Variants in DIAPH3 observed in about 807,000 individuals in gnomAD.
DIAPH3 encodes diaphanous related formin 3.
In DIAPH3, 117 loss-of-function variants were observed where a neutral mutation model predicts 144.3. The ratio of observed to expected loss-of-function variants is 0.81; its 90% CI spans 0.70 to 0.95. The LOEUF is 0.95. Among genes scored for constraint, DIAPH3 ranks in the 40% least tolerant of loss-of-function variants. The probability of loss-of-function intolerance (pLI) is 0.00; values close to 1 mark genes in which losing one functional copy is unlikely to be tolerated. For synonymous variants in DIAPH3, 519 were observed against 488.9 expected, an observed-to-expected ratio of 1.06 and a Z score of -0.81; for missense variants, 1,421 against 1,412.7, an observed-to-expected ratio of 1.01 and a Z score of -0.09.
At chr13:59,791,272 G>C (rs2039311711) in intron 25 of DIAPH3, among the ~76,000 whole-genome samples, 1 of 151,986 alleles carries the variant, frequency 6.6e-6, no homozygotes. Flanking sequence ...TCCTGGTCAA[G>C]AACAGTTTTA....
chr13:60,080,482 T>A (rs1043320171), intron 4 of DIAPH3, among the ~76,000 whole-genome samples: 4 of 151,972 alleles, frequency 2.6e-5, no homozygotes, highest in African/African-American at 9.6e-5. Flanking sequence ...TATGTTACAT[T>A]TTAAAATAAT....
At chr13:60,159,447 G>A (rs1187590352) in intron 1 of DIAPH3, among the ~76,000 whole-genome samples, 5 of 151,896 alleles carry the variant, frequency 3.3e-5, no homozygotes, top group Non-Finnish European at 7.4e-5. Context: ...CCAACATGGT[G>A]AAGCCTCATC....
At chr13:60,131,758 C>G (rs946993143) in intron 2 of DIAPH3, among the ~76,000 whole-genome samples, 6 of 152,242 alleles carry the variant, frequency 3.9e-5, no homozygotes, top group Non-Finnish European at 7.4e-5. Context: ...AAAGCTGTTA[C>G]AAATATATCA....
At chr13:59,868,621 A>G (rs935965332) in intron 21 of DIAPH3, among the ~76,000 whole-genome samples, 1 of 152,102 alleles carries the variant, frequency 6.6e-6, no homozygotes, top group African/African-American at 2.4e-5. Context: ...CTGCAGTTCT[A>G]TGTGTCTTGA....
chr13:59,717,006 C>T (rs1566215670), intron 27 of DIAPH3, among the ~76,000 whole-genome samples: 1 of 151,690 alleles, frequency 6.6e-6, no homozygotes, highest in African/African-American at 2.4e-5. Context: ...ATTTCATGTA[C>T]TGTGTTAACT....
chr13:59,680,915 C>T (rs1023910150), intron 27 of DIAPH3, among the ~76,000 whole-genome samples: 6 of 152,030 alleles, frequency 3.9e-5, no homozygotes, highest in Non-Finnish European at 8.8e-5. Flanking sequence ...ACGAAAAGAC[C>T]GCTGTCTGGA....
intron 22 of DIAPH3, among the ~76,000 whole-genome samples, chr13:59,853,847 C>T (rs1593689801): frequency 1.3e-5 from 2 of 152,104 alleles, no homozygotes; most frequent in African/African-American, 2.4e-5. Context: ...TCCAGATATG[C>T]TTATTAGTAT....
chr13:60,014,703 T>C (rs1294374718), intron 7 of DIAPH3, among the ~76,000 whole-genome samples: 1 of 152,114 alleles, frequency 6.6e-6, no homozygotes. Context: ...TAATCAGAAA[T>C]ATACAGATGC....
chr13:59,982,633 T>C (rs900364499), intron 13 of DIAPH3, among the ~76,000 whole-genome samples: 1 of 151,658 alleles, frequency 6.6e-6, no homozygotes, highest in Non-Finnish European at 1.5e-5. Flanking sequence ...TCTTCTTTGA[T>C]GTTATATCGA....
chr13:59,670,582 A>C (rs952465328), intron 27 of DIAPH3, among the ~76,000 whole-genome samples: 4 of 143,130 alleles, frequency 2.8e-5, no homozygotes, highest in Non-Finnish European at 6.1e-5. Context: ...CTGGAAGTTC[A>C]CTTTTTTTTT....
At chr13:59,688,500 T>A (rs1370946648) in intron 27 of DIAPH3, among the ~76,000 whole-genome samples, 4 of 152,006 alleles carry the variant, frequency 2.6e-5, no homozygotes, top group Non-Finnish European at 5.9e-5. Flanking sequence ...ATTGAGCACC[T>A]ATATGCATAA....
intron 25 of DIAPH3, among the ~76,000 whole-genome samples, chr13:59,778,723 G>A (rs1038176672): frequency 2.0e-5 from 3 of 152,088 alleles, no homozygotes; most frequent in Non-Finnish European, 2.9e-5. Context: ...CTTTATGTTG[G>A]TATTACAGAA....
At chr13:59,750,101 A>G (rs940660475) in intron 27 of DIAPH3, among the ~76,000 whole-genome samples, 6 of 152,168 alleles carry the variant, frequency 3.9e-5, no homozygotes, top group African/African-American at 1.4e-4. Context: ...ATACAAAAAA[A>G]CATAAAGCAA....
intron 1 of DIAPH3, among the ~76,000 whole-genome samples, chr13:60,136,839 C>G (rs1349612998): frequency 6.6e-6 from 1 of 152,024 alleles, no homozygotes; most frequent in Non-Finnish European, 1.5e-5. Flanking sequence ...ACTCGGGAGG[C>G]TGAGACAGGA....
chr13:59,793,186 C>T (rs2139416429), intron 25 of DIAPH3, among the ~76,000 whole-genome samples: 1 of 152,292 alleles, frequency 6.6e-6, no homozygotes, highest in Middle Eastern at 3.4e-3. Context: ...ATCACAATGG[C>T]AGAGCATGTG....
At chr13:59,732,216 C>A (rs1340764417) in intron 27 of DIAPH3, among the ~76,000 whole-genome samples, 1 of 151,238 alleles carries the variant, frequency 6.6e-6, no homozygotes, top group Non-Finnish European at 1.5e-5. Context: ...CAAAATTTAG[C>A]TCAAATTATA....
chr13:59,926,506 G>A (rs1566527595), intron 17 of DIAPH3, among the ~76,000 whole-genome samples: 1 of 151,938 alleles, frequency 6.6e-6, no homozygotes, highest in African/African-American at 2.4e-5. Context: ...GGTATATTTT[G>A]TTTCTACTTT....
intron 4 of DIAPH3, among the ~76,000 whole-genome samples, chr13:60,067,177 C>A (rs1017243594): frequency 1.3e-5 from 2 of 151,770 alleles, no homozygotes; most frequent in African/African-American, 4.8e-5. Context: ...CCCAGCTACT[C>A]TGGAGGCTAA....
chr13:60,114,344 C>G (rs1340235386), intron 2 of DIAPH3, among the ~76,000 whole-genome samples: 1 of 150,040 alleles, frequency 6.7e-6, no homozygotes, highest in Admixed American at 6.6e-5. Context: ...ATGAGCTTAA[C>G]AGTAACCTGG....
Sources: gnomAD v4.1 joint callset for allele counts (sites outside exome capture counted in the v4.1 genomes callset) on GRCh38, gnomAD v4.1.1 for gene constraint, MANE v1.5 for transcripts, NCBI Gene and HGNC (gene_info 2026-07-23, HGNC 2026-07-21) for gene names.